Variants in ELMO1 observed in about 807,000 individuals in gnomAD.
The protein encoded by ELMO1 is engulfment and cell motility 1.
In ELMO1, 26 loss-of-function variants were observed where a neutral mutation model predicts 98.9. The ratio of observed to expected loss-of-function variants is 0.26; its 90% CI spans 0.19 to 0.36. The LOEUF (loss-of-function observed/expected upper bound fraction) is 0.36, where lower values mean the gene tolerates loss of function less well. Ranked by LOEUF, ELMO1 falls within the 10% of genes least tolerant of loss-of-function variation. The pLI is 1.00. For synonymous variants in ELMO1, 346 were observed against 346.0 expected (o/e 1.00, Z 0.00); for missense variants, 627 against 935.2 (o/e 0.67, Z 4.30).
chr7:37,157,315 G>A (rs923128023), intron 13 of ELMO1, among the ~76,000 whole-genome samples: 27 of 152,288 alleles, frequency 1.8e-4, no homozygotes, highest in African/African-American at 6.5e-4. Flanking sequence ...GTTCTGGCCA[G>A]GGCAATCAGG....
chr7:37,069,185 G>GGGTT (rs1209891773), intron 15 of ELMO1, among the ~76,000 whole-genome samples: 1 of 152,030 alleles, frequency 6.6e-6, no homozygotes, highest in Non-Finnish European at 1.5e-5. Context: ...TTTACTCCCA[G>GGGTT]GGTTGGCCAG....
At chr7:36,923,634 A>G (rs1785313362) in intron 16 of ELMO1, among the ~76,000 whole-genome samples, 1 of 152,220 alleles carries the variant, frequency 6.6e-6, no homozygotes. Context: ...CACATCCTGA[A>G]TTACCTCTTT....
chr7:36,929,974 T>C (rs1242129126), intron 16 of ELMO1, among the ~76,000 whole-genome samples: 2 of 152,172 alleles, frequency 1.3e-5, no homozygotes, highest in African/African-American at 4.8e-5. Flanking sequence ...AAATAGTGCA[T>C]CTCCACAAGG....
At chr7:37,337,972 ACTTGT>A (rs1800513255) in intron 2 of ELMO1, among the ~76,000 whole-genome samples, 1 of 152,192 alleles carries the variant, frequency 6.6e-6, no homozygotes, top group African/African-American at 2.4e-5. Flanking sequence ...GATGCCTCCC[ACTTGT>A]CTTTTAATTT....
chr7:36,896,711 A>G (rs1479994472), intron 16 of ELMO1, among the ~76,000 whole-genome samples: 1 of 151,906 alleles, frequency 6.6e-6, no homozygotes, highest in Non-Finnish European at 1.5e-5. Context: ...CAAAATGCCA[A>G]ATTTGGGATG....
At chr7:37,360,240 C>G (rs527741975) in intron 1 of ELMO1, among the ~76,000 whole-genome samples, 14 of 152,234 alleles carry the variant, frequency 9.2e-5, no homozygotes, top group Non-Finnish European at 1.9e-4. Context: ...CTTGCTCTGT[C>G]AGAGTACAGC....
chr7:37,242,414 A>G (rs1208009726), intron 7 of ELMO1, among the ~76,000 whole-genome samples: 3 of 152,208 alleles, frequency 2.0e-5, no homozygotes, highest in African/African-American at 7.2e-5. Context: ...TTCATCTGCT[A>G]ATTCCAACAT....
chr7:37,306,055 T>G (rs528730137), intron 4 of ELMO1, among the ~76,000 whole-genome samples: 14 of 152,194 alleles, frequency 9.2e-5, no homozygotes, highest in Non-Finnish European at 1.8e-4. Context: ...TTCTTCCAGC[T>G]CAAACAATTT....
chr7:37,234,036 T>C (rs1270474211), intron 7 of ELMO1, among the ~76,000 whole-genome samples: 1 of 152,222 alleles, frequency 6.6e-6, no homozygotes, highest in African/African-American at 2.4e-5. Context: ...AACAACACTT[T>C]AGCAGAGACT....
At chr7:36,893,310 C>A (rs1404268545) in intron 17 of ELMO1, among the ~76,000 whole-genome samples, 1 of 152,194 alleles carries the variant, frequency 6.6e-6, no homozygotes, top group East Asian at 1.9e-4. Context: ...CTCTGAGGAG[C>A]CAGTCACTTA....
chr7:37,442,835 G>A (rs1212653927), intron 1 of ELMO1, among the ~76,000 whole-genome samples: 1 of 152,182 alleles, frequency 6.6e-6, no homozygotes, highest in Non-Finnish European at 1.5e-5. Context: ...TGGCATCCTG[G>A]CCTCAGAGGC....
chr7:37,274,584 G>A (rs996644273), intron 4 of ELMO1, among the ~76,000 whole-genome samples: 5 of 152,060 alleles, frequency 3.3e-5, no homozygotes, highest in Non-Finnish European at 1.5e-5. Flanking sequence ...AAGGAGTCTC[G>A]TTCTGTCACC....
chr7:37,168,311 C>G (rs981012501), intron 13 of ELMO1, among the ~76,000 whole-genome samples: 2 of 151,862 alleles, frequency 1.3e-5, no homozygotes, highest in Non-Finnish European at 2.9e-5. Context: ...ATAGTTTGAT[C>G]GTCTGAAGCC....
chr7:37,250,578 G>A (rs1395147525), intron 6 of ELMO1, among the ~76,000 whole-genome samples: 1 of 151,970 alleles, frequency 6.6e-6, no homozygotes, highest in Non-Finnish European at 1.5e-5. Context: ...GGATCACGAG[G>A]TCAGGAGATC....
intron 13 of ELMO1, among the ~76,000 whole-genome samples, chr7:37,149,737 T>C (rs1788233886): frequency 6.6e-6 from 1 of 152,192 alleles, no homozygotes; most frequent in Non-Finnish European, 1.5e-5. Context: ...TGTTTGATCC[T>C]CCCAGCGACC....
chr7:37,188,455 AACAC>A (rs10684681), intron 13 of ELMO1, among the ~76,000 whole-genome samples: 7 of 110,460 alleles, frequency 6.3e-5, no homozygotes, highest in South Asian at 3.0e-4. Context: ...CACACACGCA[AACAC>A]ACACACACAC....
At chr7:36,937,763 T>C (rs1786673505) in intron 16 of ELMO1, among the ~76,000 whole-genome samples, 1 of 152,222 alleles carries the variant, frequency 6.6e-6, no homozygotes, top group Admixed American at 6.5e-5. Context: ...TGTTTAAAAA[T>C]AATAATGGTT....
intron 16 of ELMO1, among the ~76,000 whole-genome samples, chr7:37,012,049 C>G (rs1241091744): frequency 2.6e-5 from 4 of 152,192 alleles, no homozygotes; most frequent in Non-Finnish European, 5.9e-5. Flanking sequence ...CAGACCAGTG[C>G]TCTCCACAGA....
intron 13 of ELMO1, among the ~76,000 whole-genome samples, chr7:37,142,949 T>C (rs7810253): frequency 0.88 from 134,251 of 151,820 alleles, 59,712 homozygotes; most frequent in Non-Finnish European, 0.94. Context: ...ACCCAATATG[T>C]CCTTCAAGCC....
Sources: allele counts gnomAD v4.1 joint callset (sites outside exome capture counted in the v4.1 genomes callset), GRCh38; gene constraint gnomAD v4.1.1; transcripts MANE v1.5; gene names NCBI Gene and HGNC (gene_info 2026-07-23, HGNC 2026-07-21).